MAL: variants seen among roughly 807,000 people sequenced by gnomAD.
The protein encoded by MAL is mal, T cell differentiation protein (MAL blood group), also known as myelin and lymphocyte protein.
A neutral mutation model predicts 16.7 loss-of-function variants in MAL; 5 were observed. That is an observed-to-expected ratio of 0.30 (90% CI 0.16 to 0.63). MAL has a LOEUF of 0.63. Ranked by LOEUF, MAL falls within the 30% of genes least tolerant of loss-of-function variation. MAL has a pLI of 0.82. For synonymous variants in MAL, 96 were observed against 85.5 expected, an observed-to-expected ratio of 1.12 and a Z score of -0.67; for missense variants, 202 against 195.8, an observed-to-expected ratio of 1.03 and a Z score of -0.19.
At chr2:95,029,461 A>G (rs992676460) in intron 1 of MAL, among the ~76,000 whole-genome samples, 8 of 152,234 alleles carry the variant, frequency 5.3e-5, no homozygotes, top group African/African-American at 1.9e-4. Context: ...ATACATGTTG[A>G]CTTTGTTTAC....
In MAL at chr2:95,048,114, C is replaced by T. The variant is rs202002524; in HGVS notation, c.249C>T (p.Ser83=). 101 of 1,613,336 alleles carry T rather than the reference C, an allele frequency of 6.3e-5. No individual in the cohort carries two copies. The highest frequency in any genetic ancestry group is 1.4e-5 in the Non-Finnish European group (17 of 1,179,304). ...TTGGAGCCCACGGTGGAGAGACTTC[C>T]TGGGTCACCTTGGTGAGTCCAGCCC... ...YIIGAHGGET[S]WVTLDAAYHC... The change falls in exon 2 of 4, where the codon TCC becomes TCT. Residue 83 remains serine (S), a synonymous_variant. Coordinates refer to ENST00000309988, the MANE Select transcript of MAL (RefSeq NM_002371.4).
At chr2:95,036,945 GTGAGTGAC>G (rs369147927) in intron 1 of MAL, among the ~76,000 whole-genome samples, 33 of 151,884 alleles carry the variant, frequency 2.2e-4, no homozygotes, top group African/African-American at 4.6e-4. Flanking sequence ...GAGTGACTGA[GTGAGTGAC>G]TGAGTGACTG....
At chr2:95,039,016 GTCAGTGAC>G (rs1478025080) in intron 1 of MAL, among the ~76,000 whole-genome samples, 3 of 150,788 alleles carry the variant, frequency 2.0e-5, no homozygotes, top group Admixed American at 1.3e-4. Context: ...GAGTGGGTGA[GTCAGTGAC>G]TGAGTGAGTG....
At chr2:95,027,899 A>C (rs1673982344) in intron 1 of MAL, among the ~76,000 whole-genome samples, 2 of 152,144 alleles carry the variant, frequency 1.3e-5, no homozygotes, top group Non-Finnish European at 2.9e-5. Flanking sequence ...AGACAACCCA[A>C]TTAGAAAATG....
At position 95,048,066 on chromosome 2, in the gene MAL, C is replaced by A. The variant is rs1674631554; in HGVS notation, c.201C>A (p.Thr67=). 6.2e-7 allele frequency: 1 copy of A among 1,613,846 alleles called. No homozygotes were observed. The highest frequency in any genetic ancestry group is 8.5e-7 in the Non-Finnish European group (1 of 1,179,780). ...FVSVFCFVAT[T]TLIILYIIGA... ...CTGTGTTCTGCTTCGTGGCCACCAC[C>A]ACCTTGATCATCCTGTACATAATTG... Residue 67 remains threonine (T), a synonymous_variant, in exon 2 of 4, where the codon ACC becomes ACA. Coordinates refer to ENST00000309988, the MANE Select transcript of MAL (RefSeq NM_002371.4).
intron 1 of MAL, among the ~76,000 whole-genome samples, chr2:95,028,413 T>C (rs1210377486): frequency 6.6e-6 from 1 of 152,160 alleles, no homozygotes; most frequent in Non-Finnish European, 1.5e-5. Context: ...GGATGGCTAC[T>C]ATCCAAAAAA....
chr2:95,029,763 G>A (rs1221451487), intron 1 of MAL, among the ~76,000 whole-genome samples: 1 of 152,122 alleles, frequency 6.6e-6, no homozygotes, highest in Non-Finnish European at 1.5e-5. Context: ...ACTTACTCAA[G>A]CCCCTTCCAA....
intron 1 of MAL, among the ~76,000 whole-genome samples, chr2:95,041,727 G>A (rs1035202062): frequency 1.3e-5 from 2 of 152,110 alleles, no homozygotes; most frequent in African/African-American, 4.8e-5. Flanking sequence ...AAGCACCCTG[G>A]CTGCCTCCCA....
intron 1 of MAL, among the ~76,000 whole-genome samples, chr2:95,028,152 C>CAA (rs898443996): frequency 0.012 from 477 of 39,562 alleles, 1 homozygote; most frequent in East Asian, 0.033. Context: ...ACTAAAAATA[C>CAA]AAAAAAAAAA....
intron 1 of MAL, among the ~76,000 whole-genome samples, chr2:95,033,317 G>A (rs902351104): frequency 5.3e-5 from 8 of 152,150 alleles, no homozygotes; most frequent in African/African-American, 1.4e-4. Flanking sequence ...AAGAGGGAGC[G>A]GGATCCTTTG....
Position 95,047,975 on chromosome 2 carries a change from T to C in MAL, c.110T>C (p.Val37Ala). 6.2e-7 allele frequency: 1 copy of C among 1,613,820 alleles called. No individual in the cohort carries two copies. Among genetic ancestry groups the C allele is most frequent in the South Asian group, 1.1e-5 (1 of 91,070 alleles). Residue 37 changes from valine to alanine, a missense_variant, in exon 2 of 4, where the codon GTG becomes GCG. Coordinates refer to ENST00000309988, the MANE Select transcript of MAL (RefSeq NM_002371.4). ...CCCCCGCAGATCTTCGGGGGCCTGGTGTGGATCCTGGTGGCCTCCTCCCTG... is the reference window on the plus strand; with the variant it reads ...CCCCCGCAGATCTTCGGGGGCCTGGCGTGGATCCTGGTGGCCTCCTCCCTG... ...FIFEFIFGGLVWILVASSLVP... is the reference protein window; with the variant it reads ...FIFEFIFGGLAWILVASSLVP...
chr2:95,032,659 A>C (rs1268586887), intron 1 of MAL, among the ~76,000 whole-genome samples: 1 of 152,204 alleles, frequency 6.6e-6, no homozygotes, highest in African/African-American at 2.4e-5. Flanking sequence ...TCCCAAGGGC[A>C]TGGAGCATGG....
In MAL at chr2:95,048,041, C is replaced by A. The variant is rs1311587702; in HGVS notation, c.176C>A (p.Ser59Tyr). 6.2e-7 allele frequency: 1 copy of A among 1,613,940 alleles called. No individual in the cohort carries two copies. The highest frequency in any genetic ancestry group is 1.7e-5 in the Admixed American group (1 of 60,020). ...PLVQGWVMFV[S>Y]VFCFVATTTL... ...GTCCAGGGCTGGGTGATGTTCGTGTCTGTGTTCTGCTTCGTGGCCACCACC... is the reference window on the plus strand; with the variant it reads ...GTCCAGGGCTGGGTGATGTTCGTGTATGTGTTCTGCTTCGTGGCCACCACC... The change falls in exon 2 of 4, where the codon TCT becomes TAT. Residue 59 changes from serine (S) to tyrosine (Y), a missense_variant. By Grantham distance (144) the Ser-to-Tyr change is moderately radical. Coordinates refer to ENST00000309988, the MANE Select transcript of MAL (RefSeq NM_002371.4).
Position 95,049,688 on chromosome 2 carries a change from T to A in MAL, c.369T>A (p.His123Gln). The change falls in exon 3 of 4, where the codon CAT becomes CAA. Residue 123 changes from histidine to glutamine, a missense_variant. By Grantham distance (24) the His-to-Gln change is conservative. Transcript: ENST00000309988. ...ACGGCTTCACCTACAGGCACTACCA[T>A]GAAAACATTGCTGCCGTGGTGAGTC... ...MQDGFTYRHYHENIAAVVFSY... is the reference protein window; with the variant it reads ...MQDGFTYRHYQENIAAVVFSY... 1 of 1,614,114 alleles carries A rather than the reference T, an allele frequency of 6.2e-7. No homozygotes were observed. Among genetic ancestry groups the A allele is most frequent in the South Asian group, 1.1e-5 (1 of 91,066 alleles).
At chr2:95,039,424 G>C (rs1369880965) in intron 1 of MAL, among the ~76,000 whole-genome samples, 9 of 150,184 alleles carry the variant, frequency 6.0e-5, no homozygotes, top group East Asian at 2.0e-4. Context: ...GAGTGAGTGA[G>C]TGACTGAGTG....
intron 2 of MAL, 129 bp from the exon 3 acceptor site, chr2:95,049,452 A>C: frequency 8.5e-7 from 1 of 1,172,460 alleles, no homozygotes; most frequent in Non-Finnish European, 1.2e-6. Flanking sequence ...CTCCGTGACA[A>C]GGTTGGGAGG....
chr2:95,053,237 C>T (rs948852011), intron 3 of MAL, 144 bp from the exon 4 acceptor site: 2 of 690,432 alleles, frequency 2.9e-6, no homozygotes, highest in East Asian at 2.5e-5. Flanking sequence ...GCAGGGAGGG[C>T]GTCCATGTGA....
chr2:95,028,816 G>T (rs1473580321), intron 1 of MAL, among the ~76,000 whole-genome samples: 1 of 152,246 alleles, frequency 6.6e-6, no homozygotes, highest in East Asian at 1.9e-4. Context: ...GTCATATAGT[G>T]TATGATTCCG....
Position 95,049,567 on chromosome 2 carries a change from C to T in MAL, c.262-14C>T, listed in dbSNP as rs540660294. On this transcript the variant is annotated splice_polypyrimidine_tract_variant and intron_variant, in intron 2 of 3. Coordinates refer to ENST00000309988, the MANE Select transcript of MAL (RefSeq NM_002371.4). ...CTCTCTCCCCATCCCTCTGACACCC[C>T]GTCTGCCCCATAGGACGCAGCCTAC... The T allele has an allele frequency of 1.6e-5, 26 of 1,613,972 alleles. No individual in the cohort carries two copies. In the South Asian group the frequency reaches 2.1e-4, roughly 13 times the overall value.
Sources: gnomAD v4.1 joint callset for allele counts (sites outside exome capture counted in the v4.1 genomes callset) on GRCh38, gnomAD v4.1.1 for gene constraint, MANE v1.5 for transcripts, NCBI Gene and HGNC (gene_info 2026-07-23, HGNC 2026-07-21) for gene names.